Variants in ADAMTS17 observed in about 807,000 individuals in gnomAD.
ADAMTS17 encodes ADAM metallopeptidase with thrombospondin type 1 motif 17, also known as A disintegrin and metalloproteinase with thrombospondin motifs 17.
A neutral mutation model predicts 141.5 loss-of-function variants in ADAMTS17; 113 were observed. The observed-to-expected ratio is 0.80, with a 90% CI of 0.69 to 0.93. The LOEUF is 0.93. Ranked by LOEUF, ADAMTS17 falls within the 40% of genes least tolerant of loss-of-function variation. The pLI is 0.00. For missense variants in ADAMTS17, 1,659 were observed against 1,517.9 expected (o/e 1.09, Z -1.54); for synonymous variants, 768 against 630.6 (o/e 1.22, Z -3.27).
chr15:100,044,727 C>A (rs1166238435), intron 18 of ADAMTS17, among the ~76,000 whole-genome samples: 4 of 152,030 alleles, frequency 2.6e-5, no homozygotes, highest in Non-Finnish European at 5.9e-5. Flanking sequence ...TGGATTGTAC[C>A]TGGAACACTG....
chr15:100,010,813 A>G (rs891094861), intron 18 of ADAMTS17, among the ~76,000 whole-genome samples: 2 of 152,198 alleles, frequency 1.3e-5, no homozygotes, highest in African/African-American at 4.8e-5. Flanking sequence ...CTCCCAGGGG[A>G]CCCAGAGGGA....
rs549011398 is a variant in ADAMTS17, at chr15:100,019,253, T to C, written c.2592-21664A>G. 3.3e-5 allele frequency among the ~76,000 whole-genome samples: 5 copies of C among 152,204 alleles called. No individual in the cohort carries two copies. In the South Asian group the frequency reaches 6.2e-4, roughly 19 times the overall value. ...GGATATATACATATATAGTGCAAGTTTGAAAATTTGGGTGGGATGAGATGC... is the reference window on the plus strand; with the variant it reads ...GGATATATACATATATAGTGCAAGTCTGAAAATTTGGGTGGGATGAGATGC... On this transcript the variant is annotated intron_variant, in intron 18 of 21. Transcript: ENST00000268070.
At chr15:100,217,478 A>T (rs1183165642) in intron 7 of ADAMTS17, among the ~76,000 whole-genome samples, 2 of 152,192 alleles carry the variant, frequency 1.3e-5, no homozygotes, top group East Asian at 3.9e-4. Context: ...GGGTGCCTAT[A>T]TTCCCAGCTA....
At chr15:100,229,070 A>G (rs548960542) in intron 7 of ADAMTS17, among the ~76,000 whole-genome samples, 2 of 152,304 alleles carry the variant, frequency 1.3e-5, no homozygotes, top group African/African-American at 4.8e-5. Flanking sequence ...ATGCTCACAG[A>G]CACTGTGACT....
chr15:100,168,527 A>G (rs1462020321), intron 8 of ADAMTS17: 3 of 152,300 alleles, frequency 2.0e-5, no homozygotes, highest in African/African-American at 7.2e-5. Flanking sequence ...GGAAATGGAA[A>G]GATGGCTAAA....
intron 18 of ADAMTS17, among the ~76,000 whole-genome samples, chr15:100,044,704 T>C (rs1026930309): frequency 4.6e-5 from 7 of 152,232 alleles, no homozygotes; most frequent in African/African-American, 1.7e-4. Context: ...TTTCCCTATA[T>C]GACTAGTAAT....
At chr15:100,169,412 T>C (rs1039579770) in intron 8 of ADAMTS17, among the ~76,000 whole-genome samples, 5 of 152,102 alleles carry the variant, frequency 3.3e-5, no homozygotes, top group Non-Finnish European at 5.9e-5. Flanking sequence ...GCCCACCAAG[T>C]GGGGAGTACC....
intron 7 of ADAMTS17, among the ~76,000 whole-genome samples, chr15:100,237,712 C>G (rs1056198324): frequency 4.6e-5 from 7 of 152,216 alleles, no homozygotes; most frequent in Admixed American, 4.6e-4. Flanking sequence ...CAACCTCCGC[C>G]TCCCAGGTTC....
intron 12 of ADAMTS17, among the ~76,000 whole-genome samples, chr15:100,124,504 T>C (rs1055267174): frequency 8.5e-5 from 13 of 152,104 alleles, no homozygotes; most frequent in African/African-American, 3.1e-4. Context: ...ATGGGGCAAG[T>C]AGAAAGCCAC....
chr15:100,307,395 C>T (rs1413370801), intron 3 of ADAMTS17, among the ~76,000 whole-genome samples: 8 of 152,168 alleles, frequency 5.3e-5, no homozygotes, highest in Non-Finnish European at 1.2e-4. Context: ...AAAGACCTGC[C>T]TGAGACTTAA....
chr15:100,104,824 T>C (rs1420305265), intron 14 of ADAMTS17, among the ~76,000 whole-genome samples: 2 of 152,224 alleles, frequency 1.3e-5, no homozygotes, highest in Non-Finnish European at 2.9e-5. Context: ...GCTATACACA[T>C]TCACAAATGC....
At chr15:100,007,712 G>A (rs1216906275) in intron 18 of ADAMTS17, among the ~76,000 whole-genome samples, 2 of 152,084 alleles carry the variant, frequency 1.3e-5, no homozygotes, top group Non-Finnish European at 2.9e-5. Flanking sequence ...CGGTGGAAGG[G>A]TGGCGCTGCT....
intron 3 of ADAMTS17, among the ~76,000 whole-genome samples, chr15:100,295,004 C>T (rs1034699575): frequency 6.6e-6 from 1 of 152,164 alleles, no homozygotes; most frequent in African/African-American, 2.4e-5. Flanking sequence ...CTGCCTCCTG[C>T]CCCCAGCCAC....
intron 18 of ADAMTS17, among the ~76,000 whole-genome samples, chr15:100,026,021 G>C (rs192590577): frequency 1.3e-5 from 2 of 152,266 alleles, no homozygotes; most frequent in Non-Finnish European, 2.9e-5. Context: ...CTACAACTCA[G>C]ATCAAGAAAA....
chr15:100,319,273 G>A (rs527838920), intron 3 of ADAMTS17, among the ~76,000 whole-genome samples: 1 of 152,348 alleles, frequency 6.6e-6, no homozygotes, highest in African/African-American at 2.4e-5. Flanking sequence ...AAAGCCAGAG[G>A]GGCTGAGGGC....
At position 100,323,495 on chromosome 15, in the gene ADAMTS17, C is replaced by A. The variant is rs117158882; in HGVS notation, c.616+7394G>T. 8.6e-3 allele frequency among the ~76,000 whole-genome samples: 1,311 copies of A among 152,080 alleles called. 11 individuals carry two copies. The highest frequency in any genetic ancestry group is 0.014 in the Non-Finnish European group (927 of 68,000). On this transcript the variant is annotated intron_variant, in intron 3 of 21. Transcript: ENST00000268070. The stretch of plus-strand genomic sequence containing the variant: ...TTGTATGCCCCTACAGGTGTGCTTA[C>A]AGGGAAATGAGTAGCCTTAAATACA...
intron 3 of ADAMTS17, among the ~76,000 whole-genome samples, chr15:100,318,887 G>T (rs7177187): frequency 0.076 from 11,563 of 152,316 alleles, 935 homozygotes; most frequent in East Asian, 0.25. Context: ...CCCCGCCCAT[G>T]GCACAGGGGT....
At chr15:100,234,786 A>G (rs2042602341) in intron 7 of ADAMTS17, among the ~76,000 whole-genome samples, 1 of 152,150 alleles carries the variant, frequency 6.6e-6, no homozygotes, top group South Asian at 2.1e-4. Flanking sequence ...CCATTCCATC[A>G]GCAGCTGAGC....
chr15:100,233,366 A>AGTT (rs2042550156), intron 7 of ADAMTS17, among the ~76,000 whole-genome samples: 1 of 152,172 alleles, frequency 6.6e-6, no homozygotes. Flanking sequence ...AACTCACTGA[A>AGTT]AAGTCATATA....
Sources: gnomAD v4.1 joint callset for allele counts (sites outside exome capture counted in the v4.1 genomes callset) on GRCh38, gnomAD v4.1.1 for gene constraint, MANE v1.5 for transcripts, NCBI Gene and HGNC (gene_info 2026-07-23, HGNC 2026-07-21) for gene names.